The following PTPRD variants were observed in gnomAD, a reference collection of about 807,000 sequenced individuals.
PTPRD encodes protein tyrosine phosphatase receptor type D, also known as receptor-type tyrosine-protein phosphatase delta.
In PTPRD, 34 loss-of-function variants were observed where a neutral mutation model predicts 214.5. The ratio of observed to expected loss-of-function variants is 0.16; its 90% CI spans 0.12 to 0.21. PTPRD has a LOEUF of 0.21. PTPRD is among the 10% of genes least tolerant of loss of function. The pLI, the probability that PTPRD is intolerant of heterozygous loss-of-function variation, is 1.00. For synonymous variants in PTPRD, 1,128 were observed against 845.7 expected, an observed-to-expected ratio of 1.33 and a Z score of -5.79; for missense variants, 2,545 against 2,398.7, an observed-to-expected ratio of 1.06 and a Z score of -1.27.
At chr9:8,402,876 GT>G (rs1485776312) in intron 36 of PTPRD, among the ~76,000 whole-genome samples, 1 of 152,028 alleles carries the variant, frequency 6.6e-6, no homozygotes, top group Non-Finnish European at 1.5e-5. Flanking sequence ...TGTTTTCAGT[GT>G]GGAAAAAGGC....
intron 5 of PTPRD, among the ~76,000 whole-genome samples, chr9:9,921,597 G>C (rs894774922): frequency 6.7e-6 from 1 of 149,838 alleles, no homozygotes; most frequent in Admixed American, 6.6e-5. Context: ...TTACTGCTCA[G>C]GGGAAAAAAA....
chr9:9,434,683 T>C (rs2084522430), intron 8 of PTPRD, among the ~76,000 whole-genome samples: 1 of 151,926 alleles, frequency 6.6e-6, no homozygotes, highest in African/African-American at 2.4e-5. Context: ...GACAGACCAA[T>C]AGAACACAAC....
chr9:8,710,990 C>T (rs922189149), intron 12 of PTPRD, among the ~76,000 whole-genome samples: 1 of 152,044 alleles, frequency 6.6e-6, no homozygotes, highest in African/African-American at 2.4e-5. Context: ...ATTTAAACTC[C>T]ATGTGTTCTT....
chr9:9,897,583 A>C (rs2075344007), intron 5 of PTPRD, among the ~76,000 whole-genome samples: 1 of 152,058 alleles, frequency 6.6e-6, no homozygotes, highest in Non-Finnish European at 1.5e-5. Context: ...GTATCCTTGT[A>C]CTTTATTGTA....
At chr9:8,361,481 G>C (rs2078462340) in intron 39 of PTPRD, among the ~76,000 whole-genome samples, 1 of 152,126 alleles carries the variant, frequency 6.6e-6, no homozygotes, top group East Asian at 1.9e-4. Flanking sequence ...AAGCAGTCTA[G>C]GTATCAGATT....
At chr9:9,053,383 C>G (rs1050930808) in intron 10 of PTPRD, among the ~76,000 whole-genome samples, 8 of 146,174 alleles carry the variant, frequency 5.5e-5, no homozygotes, top group Admixed American at 5.4e-4. Context: ...TTATGATGGC[C>G]AATGATGATG....
At chr9:9,117,833 C>G (rs2099813797) in intron 10 of PTPRD, among the ~76,000 whole-genome samples, 1 of 151,692 alleles carries the variant, frequency 6.6e-6, no homozygotes, top group African/African-American at 2.4e-5. Flanking sequence ...GCTTGAAAAA[C>G]CAAACTGATG....
At chr9:9,434,046 T>C (rs1174908471) in intron 8 of PTPRD, among the ~76,000 whole-genome samples, 1 of 152,194 alleles carries the variant, frequency 6.6e-6, no homozygotes, top group African/African-American at 2.4e-5. Context: ...AATATCGCTT[T>C]ACAGAGGACA....
rs144117135 is a variant in PTPRD, at chr9:9,887,528, T to A, written c.-368+50979A>T. Among the ~76,000 whole-genome samples, 7 of 152,260 alleles carry A rather than the reference T, an allele frequency of 4.6e-5. No individual in the cohort carries two copies. In the East Asian group the frequency reaches 1.4e-3, roughly 29 times the overall value. Reference sequence around the variant, plus strand: ...GCAGCTGATCTTATGGTAAAGCCCATCATCAAGGGGCAGAACAACATTAGA... The same window carrying A: ...GCAGCTGATCTTATGGTAAAGCCCAACATCAAGGGGCAGAACAACATTAGA... On this transcript the variant is annotated intron_variant, in intron 5 of 45. Transcript: ENST00000381196.
At chr9:9,821,641 G>C (rs2050768836) in intron 5 of PTPRD, among the ~76,000 whole-genome samples, 1 of 151,940 alleles carries the variant, frequency 6.6e-6, no homozygotes, top group Admixed American at 6.6e-5. Flanking sequence ...TACTGATATT[G>C]TTGCCACACG....
At chr9:10,091,170 A>G (rs2098425628) in intron 3 of PTPRD, among the ~76,000 whole-genome samples, 1 of 151,654 alleles carries the variant, frequency 6.6e-6, no homozygotes, top group Non-Finnish European at 1.5e-5. Context: ...ACTGGAATTT[A>G]GAAATTATCA....
chr9:8,353,890 A>ATGTATATATG (rs1472702333), intron 39 of PTPRD, among the ~76,000 whole-genome samples: 16 of 108,116 alleles, frequency 1.5e-4, no homozygotes, highest in African/African-American at 3.9e-4. Flanking sequence ...ATGTGTATAT[A>ATGTATATATG]TGTATATATG....
intron 10 of PTPRD, among the ~76,000 whole-genome samples, chr9:9,137,214 T>C (rs2099852258): frequency 6.6e-6 from 1 of 152,202 alleles, no homozygotes; most frequent in Admixed American, 6.5e-5. Context: ...TCAGCTTTAA[T>C]ACATGAAATT....
chr9:10,411,623 T>C (rs2098437016), intron 2 of PTPRD, among the ~76,000 whole-genome samples: 1 of 151,776 alleles, frequency 6.6e-6, no homozygotes, highest in Non-Finnish European at 1.5e-5. Context: ...GTGCCTGAAT[T>C]TGCAAACAGG....
intron 14 of PTPRD, among the ~76,000 whole-genome samples, chr9:8,541,202 A>G (rs2078312286): frequency 6.6e-6 from 1 of 152,138 alleles, no homozygotes. Flanking sequence ...TGAATTTAAC[A>G]CCAGAGAATA....
chr9:9,774,843 G>A (rs758362917), intron 5 of PTPRD, among the ~76,000 whole-genome samples: 3 of 152,152 alleles, frequency 2.0e-5, no homozygotes, highest in Non-Finnish European at 4.4e-5. Context: ...AGGGTTAATC[G>A]TTATATTCTT....
At chr9:10,268,183 A>G (rs2094195965) in intron 3 of PTPRD, among the ~76,000 whole-genome samples, 1 of 148,400 alleles carries the variant, frequency 6.7e-6, no homozygotes, top group Non-Finnish European at 1.5e-5. Context: ...TTAGCTACTC[A>G]GGAGGCTGAT....
At chr9:9,814,344 G>T (rs2048079913) in intron 5 of PTPRD, among the ~76,000 whole-genome samples, 1 of 147,424 alleles carries the variant, frequency 6.8e-6, no homozygotes, top group South Asian at 2.1e-4. Flanking sequence ...AAAGGAGGAA[G>T]CCAAAGTATT....
chr9:9,751,503 C>G (rs909364468), intron 6 of PTPRD, among the ~76,000 whole-genome samples: 6 of 152,070 alleles, frequency 3.9e-5, no homozygotes, highest in Non-Finnish European at 8.8e-5. Context: ...AAGTCCTAAC[C>G]ACCAGTACCT....
Sources: allele counts gnomAD v4.1 joint callset (sites outside exome capture counted in the v4.1 genomes callset), GRCh38; gene constraint gnomAD v4.1.1; transcripts MANE v1.5; gene names NCBI Gene and HGNC (gene_info 2026-07-23, HGNC 2026-07-21).